ANKRD36B: variants seen among roughly 807,000 people sequenced by gnomAD.
ANKRD36B encodes ankyrin repeat domain-containing protein 36B.
ANKRD36B carries 37 observed loss-of-function variants against 135.7 expected under a neutral mutation model. The observed-to-expected ratio is 0.27, with a 90% CI of 0.21 to 0.36. The LOEUF (loss-of-function observed/expected upper bound fraction) is 0.36. ANKRD36B is among the 10% of genes least tolerant of loss of function. ANKRD36B has a pLI of 1.00. For synonymous variants in ANKRD36B, 179 were observed against 348.1 expected (o/e 0.51, Z 5.41); for missense variants, 549 against 1,037.1 (o/e 0.53, Z 6.46).
At chr2:97,567,410 AC>A (rs1471880352) in intron 6 of ANKRD36B, among the ~76,000 whole-genome samples, 240 of 151,290 alleles carry the variant, frequency 1.6e-3, no homozygotes, top group Non-Finnish European at 3.0e-3. Context: ...GGAAGTCCCA[AC>A]CCTCTAATCA....
intron 6 of ANKRD36B, among the ~76,000 whole-genome samples, chr2:97,561,426 C>A (rs1334498650): frequency 1.3e-5 from 2 of 151,850 alleles, no homozygotes; most frequent in Non-Finnish European, 2.9e-5. Context: ...ATGTAATATT[C>A]ATTATTTCTC....
Position 97,556,401 on chromosome 2 carries a change from C to T in ANKRD36B, c.1069+536G>A, listed in dbSNP as rs184316409. 2.2e-4 allele frequency among the ~76,000 whole-genome samples: 34 copies of T among 151,950 alleles called. 1 individual carries two copies. In the East Asian group the frequency reaches 4.9e-3, roughly 22 times the overall value. On this transcript the variant is annotated intron_variant, in intron 12 of 43. Transcript: ENST00000359901. ...TCTAAATGCATCTGAGGTGAGTTCA[C>T]TCAGGTTTCCTCAGCAGAAACCCCA...
intron 22 of ANKRD36B, among the ~76,000 whole-genome samples, chr2:97,546,682 G>A (rs904774320): frequency 1.1e-4 from 16 of 151,830 alleles, no homozygotes; most frequent in African/African-American, 3.6e-4. Context: ...GAGTTAGTTA[G>A]AATTCAACAT....
chr2:97,558,868 T>C lies in ANKRD36B; in HGVS notation c.898A>G (p.Thr300Ala). The C allele has an allele frequency of 1.9e-6, 3 of 1,611,200 alleles. No homozygotes were observed. The highest frequency in any genetic ancestry group is 8.5e-7 in the Non-Finnish European group (1 of 1,178,806). ...SSQKQPAEKA[T>A]SDEKDSVSNI... ...GAAACAGAATCTTTCTCGTCACTTG[T>C]AGCCTGAATGGGATTTGAAACAAAA... Residue 300 changes from threonine (T) to alanine (A), a missense_variant, in exon 10 of 44, where the codon ACA becomes GCA. Physicochemically the swap from Thr to Ala is moderately conservative, Grantham distance 58 (BLOSUM62 0). Transcript: ENST00000359901.
At chr2:97,538,956 G>A (rs1327957197) in intron 30 of ANKRD36B, among the ~76,000 whole-genome samples, 1 of 96,566 alleles carries the variant, frequency 1.0e-5, no homozygotes, top group African/African-American at 3.1e-5. Context: ...CCCATGTGGT[G>A]TAATAATGTG....
At chr2:97,581,564 T>C (rs1192522203) in intron 3 of ANKRD36B, among the ~76,000 whole-genome samples, 6 of 151,796 alleles carry the variant, frequency 4.0e-5, no homozygotes, top group Non-Finnish European at 8.8e-5. Context: ...ATTACAATCT[T>C]AGGACCCTGA....
chr2:97,555,275 A>G, intron 12 of ANKRD36B, 21 bp from the exon 13 acceptor site: 1 of 1,610,372 alleles, frequency 6.2e-7, no homozygotes, highest in Middle Eastern at 1.7e-4. Context: ...AAAGGGATAC[A>G]TAATCACTCA....
At chr2:97,579,713 T>C (rs2082488339) in intron 4 of ANKRD36B, among the ~76,000 whole-genome samples, 1 of 121,028 alleles carries the variant, frequency 8.3e-6, no homozygotes, top group Admixed American at 8.1e-5. Flanking sequence ...GTTAGTTACA[T>C]TATATTCTTA....
At chr2:97,559,937 G>C (rs2080871445) in intron 8 of ANKRD36B, among the ~76,000 whole-genome samples, 1 of 151,872 alleles carries the variant, frequency 6.6e-6, no homozygotes, top group Admixed American at 6.6e-5. Flanking sequence ...TCATATGCAA[G>C]TTTATCTCAT....
intron 8 of ANKRD36B, 60 bp downstream of exon 8, chr2:97,560,605 G>A: frequency 6.3e-7 from 1 of 1,590,042 alleles, no homozygotes; most frequent in South Asian, 1.1e-5. Context: ...TTTATTTGGG[G>A]AAGGGAATTT....
At chr2:97,566,679 T>C (rs4069507) in intron 6 of ANKRD36B, among the ~76,000 whole-genome samples, 1,647 of 152,066 alleles carry the variant, frequency 0.011, 121 homozygotes, top group Admixed American at 0.093. Context: ...ATATAATGAG[T>C]AGGCATTGTC....
chr2:97,563,994 A>T (rs202153461), intron 6 of ANKRD36B, among the ~76,000 whole-genome samples: 49 of 150,950 alleles, frequency 3.2e-4, no homozygotes, highest in African/African-American at 1.1e-3. Flanking sequence ...ATAGATCTGA[A>T]ATATATATCA....
rs192797615 is a variant in ANKRD36B, at chr2:97,576,162, C to T, written c.763+217G>A. ...AAAAGGTCATCTAGAATACTAGGAACGATAATTAAATAATAATTTTTTTCA... is the reference window on the plus strand; with the variant it reads ...AAAAGGTCATCTAGAATACTAGGAATGATAATTAAATAATAATTTTTTTCA... On this transcript the variant is annotated intron_variant, in intron 6 of 43. Coordinates refer to ENST00000359901, the MANE Select transcript of ANKRD36B (RefSeq NM_001393939.1). Among the ~76,000 whole-genome samples the T allele has an allele frequency of 4.6e-3, 688 of 150,652 alleles. 5 individuals are homozygous for T. Among genetic ancestry groups the T allele is most frequent in the African/African-American group, 0.016 (658 of 41,226 alleles).
chr2:97,543,580 A>G lies in ANKRD36B; in HGVS notation c.1783+210T>C, dbSNP rs1473308531. 7.4e-5 allele frequency among the ~76,000 whole-genome samples: 7 copies of G among 94,686 alleles called. 2 individuals are homozygous for G. Among genetic ancestry groups the G allele is most frequent in the Non-Finnish European group, 1.1e-4 (4 of 35,592 alleles). The allele number at this position is 94,686 out of a possible 152,430, so 62.1% of individuals were successfully genotyped here. On this transcript the variant is annotated intron_variant, in intron 26 of 43. Coordinates refer to ENST00000359901, the MANE Select transcript of ANKRD36B (RefSeq NM_001393939.1). ...TCCATATTTCTTCTTCCCAATTTCA[A>G]TGTGGGGAAGTCTATATAATCTTAC...
intron 6 of ANKRD36B, among the ~76,000 whole-genome samples, chr2:97,568,529 A>G (rs1303713788): frequency 1.3e-5 from 2 of 152,140 alleles, no homozygotes; most frequent in African/African-American, 4.8e-5. Context: ...CATTCACCCT[A>G]TGTAAGGTAC....
chr2:97,587,107 A>T (rs2083057319), intron 1 of ANKRD36B, among the ~76,000 whole-genome samples: 1 of 152,216 alleles, frequency 6.6e-6, no homozygotes, highest in African/African-American at 2.4e-5. Flanking sequence ...CCTGAGAGGC[A>T]GATTGCAGTG....
chr2:97,546,473 T>C (rs1184318763), intron 22 of ANKRD36B, among the ~76,000 whole-genome samples: 1 of 151,770 alleles, frequency 6.6e-6, no homozygotes, highest in African/African-American at 2.4e-5. Flanking sequence ...CCTAAGTTTC[T>C]TGTATCCACT....
chr2:97,555,579 G>T (rs908513538), intron 12 of ANKRD36B, among the ~76,000 whole-genome samples: 5 of 151,866 alleles, frequency 3.3e-5, no homozygotes, highest in African/African-American at 1.2e-4. Context: ...ATACACCTGA[G>T]AATCAATGTC....
Position 97,589,835 on chromosome 2 carries a change from C to T in ANKRD36B, c.-150G>A. 2 of 1,088,958 alleles carry T rather than the reference C, an allele frequency of 1.8e-6. No homozygotes were observed. Among genetic ancestry groups the T allele is most frequent in the Non-Finnish European group, 1.3e-6 (1 of 757,484 alleles). 67.5% of individuals were successfully genotyped at this position (1,088,958 alleles called of 1,614,324 possible). On this transcript the variant is annotated 5_prime_UTR_variant, in exon 1 of 44. Coordinates refer to ENST00000359901, the MANE Select transcript of ANKRD36B (RefSeq NM_001393939.1). ...GTCTGTGCACGGACCTCCGCGCAGA[C>T]TCTCAGCGCCTCCCGCCTCTCCGCA...
Sources: gnomAD v4.1 joint callset for allele counts (sites outside exome capture counted in the v4.1 genomes callset) on GRCh38, gnomAD v4.1.1 for gene constraint, MANE v1.5 for transcripts, NCBI Gene and HGNC (gene_info 2026-07-23, HGNC 2026-07-21) for gene names.